Variants in MEF2C observed in about 807,000 individuals in gnomAD.
The protein encoded by MEF2C is myocyte enhancer factor 2C.
MEF2C carries 6 observed loss-of-function variants against 50.5 expected under a neutral mutation model. That is an observed-to-expected ratio of 0.12 (90% CI 0.07 to 0.23). The LOEUF is 0.23. Among genes scored for constraint, MEF2C ranks in the 10% least tolerant of loss-of-function variants. MEF2C has a pLI of 1.00. For missense variants in MEF2C, 276 were observed against 605.0 expected (o/e 0.46, Z 5.70); for synonymous variants, 183 against 228.0 (o/e 0.80, Z 1.78).
At chr5:88,738,380 ATG>A in intron 6 of MEF2C, 2 of 984,852 alleles carry the variant, frequency 2.0e-6, no homozygotes, top group Non-Finnish European at 2.4e-6. Flanking sequence ...TGTAACTGCT[ATG>A]TAAGTGCTAG....
At chr5:88,824,366 T>C in intron 1 of MEF2C, 1 of 985,082 alleles carries the variant, frequency 1.0e-6, no homozygotes, top group Non-Finnish European at 1.2e-6. Context: ...AATCTCCTGT[T>C]TTGACAGCAG....
chr5:88,891,556 C>T (rs1582020656), intron 1 of MEF2C, among the ~76,000 whole-genome samples: 2 of 152,028 alleles, frequency 1.3e-5, no homozygotes, highest in East Asian at 3.8e-4. Context: ...GCGTCCACCA[C>T]CACGCCCAGC....
intron 1 of MEF2C, among the ~76,000 whole-genome samples, chr5:88,895,195 G>A (rs892490685): frequency 6.6e-6 from 1 of 152,050 alleles, no homozygotes; most frequent in Non-Finnish European, 1.5e-5. Flanking sequence ...TCAGTTTCAT[G>A]CTTCCAAACA....
upstream of MEF2C, chr5:88,883,731 G>C (rs1289232282): frequency 1.3e-5 from 2 of 151,856 alleles, no homozygotes; most frequent in African/African-American, 2.4e-5. Context: ...TCGCGAGCTG[G>C]AGAAATCATC....
rs557080569 is a variant in MEF2C, at chr5:88,719,040, T to A, written c.*3564A>T. 6.6e-6 allele frequency: 1 copy of A among 152,248 alleles called. No homozygotes were observed. The highest frequency in any genetic ancestry group is 6.5e-5 in the Admixed American group (1 of 15,286). The allele number at this position is 152,248 out of a possible 1,614,324, so 9.4% of individuals were successfully genotyped here. Reference sequence around the variant, plus strand: ...GTGGCTTCTTCTTCTTTAAAAAAAATGTTTTTTAAAGAAAGAACTACAAAG... The same window carrying A: ...GTGGCTTCTTCTTCTTTAAAAAAAAAGTTTTTTAAAGAAAGAACTACAAAG... On this transcript the variant is annotated 3_prime_UTR_variant, in exon 11 of 11. Transcript: ENST00000504921.
chr5:88,839,250 A>G (rs1816365270), intron 1 of MEF2C: 1 of 152,086 alleles, frequency 6.6e-6, no homozygotes, highest in African/African-American at 2.4e-5. Flanking sequence ...ATAATTATAT[A>G]TGTTATTGTA....
At chr5:88,730,661 C>T (rs1467609284) in intron 7 of MEF2C, among the ~76,000 whole-genome samples, 2 of 152,170 alleles carry the variant, frequency 1.3e-5, no homozygotes, top group East Asian at 3.9e-4. Context: ...GCCTGCCATG[C>T]ACGGCCCACA....
At chr5:88,798,862 C>T (rs1304032675) in intron 3 of MEF2C, among the ~76,000 whole-genome samples, 2 of 152,088 alleles carry the variant, frequency 1.3e-5, no homozygotes, top group Non-Finnish European at 2.9e-5. Context: ...GATGCTATTC[C>T]TTTCTGTTTG....
intron 1 of MEF2C, among the ~76,000 whole-genome samples, chr5:88,873,708 ATTTTTTTTTTTTTTTTTT>A (rs199642010): frequency 2.1e-5 from 2 of 93,832 alleles, no homozygotes; most frequent in African/African-American, 8.8e-5. Context: ...GTCGTCACGG[ATTTTTTTTTTTTTTTTTT>A]TTTTTTTTTT....
intron 4 of MEF2C, among the ~76,000 whole-genome samples, chr5:88,756,720 A>G (rs1437965401): frequency 1.3e-5 from 2 of 152,226 alleles, no homozygotes; most frequent in Non-Finnish European, 2.9e-5. Context: ...TTTCTAAGAA[A>G]TTGGCATTAT....
chr5:88,757,945 TA>T (rs1776124355), intron 4 of MEF2C, among the ~76,000 whole-genome samples: 2 of 151,732 alleles, frequency 1.3e-5, no homozygotes, highest in South Asian at 4.1e-4. Context: ...TAAAATAAAA[TA>T]GAGGTCATTA....
At chr5:88,859,716 C>G (rs1056297977) in intron 1 of MEF2C, among the ~76,000 whole-genome samples, 1 of 152,180 alleles carries the variant, frequency 6.6e-6, no homozygotes, top group Admixed American at 6.5e-5. Flanking sequence ...AGCAAAAACT[C>G]TTTGCAGACA....
intron 3 of MEF2C, chr5:88,782,049 A>C: frequency 1.4e-6 from 1 of 732,700 alleles, no homozygotes; most frequent in Non-Finnish European, 1.7e-6. Flanking sequence ...GTTTGAGAAG[A>C]GCCCAGGCAA....
At chr5:88,810,284 T>C (rs73179408) in intron 2 of MEF2C, among the ~76,000 whole-genome samples, 102 of 152,238 alleles carry the variant, frequency 6.7e-4, no homozygotes, top group African/African-American at 2.4e-3. Context: ...ATAAAGTAAT[T>C]ACACTATCTT....
At position 88,891,328 on chromosome 5, in the gene MEF2C, T is replaced by C. The variant is rs958727480; in HGVS notation, c.-239-3730A>G. Reference sequence around the variant, plus strand: ...ATCTTTCTCAAATTTGATAAAGATATCGGAGACATTGATTATGATATAACT... The same window carrying C: ...ATCTTTCTCAAATTTGATAAAGATACCGGAGACATTGATTATGATATAACT... On this transcript the variant is annotated intron_variant, in intron 1 of 11. Transcript: ENST00000340208. Among the ~76,000 whole-genome samples the C allele has an allele frequency of 3.3e-5, 5 of 151,820 alleles. No individual in the cohort carries two copies. In the South Asian group the frequency reaches 8.3e-4, roughly 25 times the overall value.
chr5:88,885,790 A>C (rs1214024531), upstream of MEF2C, among the ~76,000 whole-genome samples: 1 of 152,246 alleles, frequency 6.6e-6, no homozygotes, highest in African/African-American at 2.4e-5. Context: ...GAGTTACAAC[A>C]GTCTATTTGA....
At chr5:88,827,815 C>A (rs563145945) in intron 1 of MEF2C, among the ~76,000 whole-genome samples, 2 of 146,572 alleles carry the variant, frequency 1.4e-5, no homozygotes, top group East Asian at 2.0e-4. Flanking sequence ...AAAATAGATA[C>A]ATTAAAACTT....
Position 88,719,380 on chromosome 5 carries a change from C to T in MEF2C, c.*3224G>A, listed in dbSNP as rs1031793927. On this transcript the variant is annotated 3_prime_UTR_variant, in exon 11 of 11. Coordinates refer to ENST00000504921, the MANE Select transcript of MEF2C (RefSeq NM_002397.5). ...AACAGCCTCCACGCAGCAATGCATA[C>T]AATATACAGGTTGTGCAGCTTGCGT... The T allele has an allele frequency of 6.6e-6, 1 of 152,186 alleles. No homozygotes were observed. Among genetic ancestry groups the T allele is most frequent in the African/African-American group, 2.4e-5 (1 of 41,450 alleles). The allele number at this position is 152,186 out of a possible 1,614,324, so 9.4% of individuals were successfully genotyped here. A position where few individuals can be genotyped will look rare whatever the true frequency, so the allele number is the denominator to read the frequency against.
At chr5:88,771,619 G>T in intron 3 of MEF2C, 1 of 985,362 alleles carries the variant, frequency 1.0e-6, no homozygotes. Context: ...GGTAATATGT[G>T]TGGACTCAAC....
Sources: gnomAD v4.1 joint callset for allele counts (sites outside exome capture counted in the v4.1 genomes callset) on GRCh38, gnomAD v4.1.1 for gene constraint, MANE v1.5 for transcripts, NCBI Gene and HGNC (gene_info 2026-07-23, HGNC 2026-07-21) for gene names.